The following LY75 variants were observed in gnomAD, a reference collection of about 807,000 sequenced individuals.
LY75 encodes the protein C-type lectin domain family 13 member B.
In LY75, 185 loss-of-function variants were observed where a neutral mutation model predicts 231.7. The ratio of observed to expected loss-of-function variants is 0.80; its 90% confidence interval spans 0.71 to 0.90. The LOEUF is 0.90. LY75 is among the 40% of genes least tolerant of loss of function. LY75 has a pLI of 0.00. For missense variants in LY75, 1,947 were observed against 2,050.2 expected, an observed-to-expected ratio of 0.95 and a Z score of 0.97; for synonymous variants, 668 against 689.0, an observed-to-expected ratio of 0.97 and a Z score of 0.48.
chr2:159,819,867 C>T lies in LY75; in HGVS notation c.4012G>A (p.Ala1338Thr), dbSNP rs772773397. ...TCATTTTTTATAGTTGGTCTTCCTG[C>T]TCTCCAATGTGTATATGACAGTGGG... ...KTPLSYTHWR[A>T]GRPTIKNEKF... Residue 1338 changes from alanine to threonine, a missense_variant, in exon 29 of 35, where the codon GCA (alanine) becomes ACA (threonine). Physicochemically the swap from Ala to Thr is moderately conservative, Grantham distance 58. Transcript: ENST00000263636. The T allele has an allele frequency of 1.9e-6, 3 of 1,613,918 alleles. No individual in the cohort carries two copies. The African/African-American group carries it at 4.0e-5, about 22-fold the overall frequency.
At chr2:159,817,715 A>G (rs1683162492) in intron 29 of LY75, among the ~76,000 whole-genome samples, 1 of 152,184 alleles carries the variant, frequency 6.6e-6, no homozygotes, top group Admixed American at 6.5e-5. Flanking sequence ...ATAACAAAAA[A>G]ACTACAATGA....
At chr2:159,835,727 T>G in intron 25 of LY75, 82 bp from the exon 26 acceptor site, 3 of 1,530,576 alleles carry the variant, frequency 2.0e-6, no homozygotes, top group Non-Finnish European at 2.6e-6. Context: ...GTCAATCTAA[T>G]GATTTTTAAT....
In LY75 at chr2:159,890,393, C is replaced by A. The variant is rs369510523; in HGVS notation, c.638-16G>T. Reference sequence around the variant, plus strand: ...CAACCGTTTTCTGTTGATAAAGACACGTTAGTGATCATAAAGTAAGGACAT... The same window carrying A: ...CAACCGTTTTCTGTTGATAAAGACAAGTTAGTGATCATAAAGTAAGGACAT... On this transcript the variant is annotated splice_polypyrimidine_tract_variant and intron_variant, in intron 3 of 34. Coordinates refer to ENST00000263636, the MANE Select transcript of LY75 (RefSeq NM_002349.4). The A allele has an allele frequency of 3.1e-6, 5 of 1,611,424 alleles. No homozygotes were observed. The highest frequency in any genetic ancestry group is 4.2e-6 in the Non-Finnish European group (5 of 1,179,194).
intron 28 of LY75, among the ~76,000 whole-genome samples, chr2:159,823,467 G>T (rs143383703): frequency 0.16 from 24,535 of 152,098 alleles, 2,285 homozygotes; most frequent in East Asian, 0.32. Flanking sequence ...CCAAATCTAC[G>T]TTTGACTGGT....
chr2:159,836,925 T>A (rs1683849801), intron 25 of LY75, among the ~76,000 whole-genome samples: 1 of 152,250 alleles, frequency 6.6e-6, no homozygotes, highest in African/African-American at 2.4e-5. Flanking sequence ...CCACACCTTT[T>A]ATCTTTTTAC....
At chr2:159,826,253 C>G (rs1337058267) in intron 28 of LY75, among the ~76,000 whole-genome samples, 1 of 152,180 alleles carries the variant, frequency 6.6e-6, no homozygotes, top group Non-Finnish European at 1.5e-5. Context: ...GGAACCTCAG[C>G]AAAGTCTCAA....
At chr2:159,899,211 G>A (rs549183754) in intron 1 of LY75, 152 bp from the exon 2 acceptor site, 187 of 1,405,396 alleles carry the variant, frequency 1.3e-4, no homozygotes, top group Middle Eastern at 2.6e-4. Context: ...AGGTGGGACA[G>A]TGGTGAGCAG....
In LY75 at chr2:159,878,480, A is replaced by G. The variant is rs1685337680; in HGVS notation, c.1618T>C (p.Tyr540His). 1 of 1,613,966 alleles carries G rather than the reference A, an allele frequency of 6.2e-7. No individual in the cohort carries two copies. Among genetic ancestry groups the G allele is most frequent in the Non-Finnish European group, 8.5e-7 (1 of 1,179,956 alleles). ...LTITSRFEQE[Y>H]LNDLMKKYDK... ...TACTTTTTCATCAAATCATTTAGGT[A>G]TTCTTGCTCAAATCTACAAAAGGAG... The change falls in exon 11 of 35, where the codon TAC (tyrosine) becomes CAC (histidine). Residue 540 changes from tyrosine (Y) to histidine (H), a missense_variant. By Grantham distance (83) the Tyr-to-His change is moderately conservative. Coordinates refer to ENST00000263636, the MANE Select transcript of LY75 (RefSeq NM_002349.4).
chr2:159,895,192 A>T (rs1245223167), intron 2 of LY75, among the ~76,000 whole-genome samples: 1 of 152,260 alleles, frequency 6.6e-6, no homozygotes, highest in Non-Finnish European at 1.5e-5. Flanking sequence ...TGTAATAAGC[A>T]GACCTATAGC....
In LY75 at chr2:159,834,036, ATACT is replaced by A. The variant is rs754809028; in HGVS notation, c.3841+4_3841+7del. On this transcript the variant is annotated splice_donor_5th_base_variant and intron_variant, in intron 27 of 34. Transcript: ENST00000263636. ...AGCAACATGAGAATGGACTAATATA[ATACT>A]TACTCAGTTTCTGGCATTTAGTATG... 6 of 1,612,748 alleles carry A rather than the reference ATACT, an allele frequency of 3.7e-6. No individual in the cohort carries two copies. In the South Asian group the frequency reaches 5.5e-5, roughly 15 times the overall value.
chr2:159,838,003 T>C (rs548954283), intron 25 of LY75, among the ~76,000 whole-genome samples: 1 of 152,302 alleles, frequency 6.6e-6, no homozygotes, highest in East Asian at 1.9e-4. Context: ...AGTGACCCAC[T>C]GCATGGCCAC....
At chr2:159,864,589 G>A (rs568159696) in intron 14 of LY75, among the ~76,000 whole-genome samples, 32 of 152,034 alleles carry the variant, frequency 2.1e-4, no homozygotes, top group African/African-American at 4.1e-4. Context: ...ATTCTGTTCC[G>A]TTGGTCTAAG....
At chr2:159,825,797 G>A (rs1299988636) in intron 28 of LY75, among the ~76,000 whole-genome samples, 3 of 151,640 alleles carry the variant, frequency 2.0e-5, no homozygotes, top group Admixed American at 2.0e-4. Flanking sequence ...TGAAAGACTG[G>A]TTCAACATAT....
intron 4 of LY75, among the ~76,000 whole-genome samples, chr2:159,887,137 T>C (rs1413919483): frequency 6.8e-6 from 1 of 148,140 alleles, no homozygotes; most frequent in African/African-American, 2.5e-5. Context: ...TAATATAACA[T>C]ATATATATGT....
Position 159,854,907 on chromosome 2 carries a change from G to C in LY75, c.2416C>G (p.Pro806Ala). Residue 806 changes from proline (P) to alanine (A), a missense_variant, in exon 17 of 35, where the codon CCA (proline) becomes GCA (alanine). Coordinates refer to ENST00000263636, the MANE Select transcript of LY75 (RefSeq NM_002349.4). The stretch of plus-strand genomic sequence containing the variant: ...AATTTCAGTTTTCTTAACTCACCTG[G>C]ATTGTACCAGTCTGGTGTTTTTGGA... ...RTPKTPDWYN[P>A]DRAGIHGPPL... is the part of the protein sequence containing the mutation. The C allele has an allele frequency of 6.2e-7, 1 of 1,613,770 alleles. No individual in the cohort carries two copies. Among genetic ancestry groups the C allele is most frequent in the Non-Finnish European group, 8.5e-7 (1 of 1,179,834 alleles).
intron 5 of LY75, among the ~76,000 whole-genome samples, chr2:159,885,894 C>A (rs1685568660): frequency 1.3e-5 from 2 of 152,124 alleles, no homozygotes; most frequent in African/African-American, 4.8e-5. Flanking sequence ...TCTAATCCTT[C>A]CTTTGGGAAG....
chr2:159,805,298 G>C (rs976096445), intron 34 of LY75, 76 bp from the exon 35 acceptor site: 6 of 1,083,274 alleles, frequency 5.5e-6, no homozygotes, highest in Non-Finnish European at 7.0e-6. Context: ...ATTATGGGTT[G>C]TGTCACACAT....
intron 29 of LY75, among the ~76,000 whole-genome samples, chr2:159,819,333 A>G (rs1683216192): frequency 6.6e-6 from 1 of 152,214 alleles, no homozygotes; most frequent in Non-Finnish European, 1.5e-5. Flanking sequence ...TTCCCCAAAC[A>G]CTTTCTTATT....
At chr2:159,852,061 C>A in intron 21 of LY75, 140 bp downstream of exon 21, 1 of 1,256,258 alleles carries the variant, frequency 8.0e-7, no homozygotes, top group Non-Finnish European at 1.1e-6. Flanking sequence ...TTTCTGGCAA[C>A]ACAGAGGGCC....
Sources: allele counts gnomAD v4.1 joint callset (sites outside exome capture counted in the v4.1 genomes callset), GRCh38; gene constraint gnomAD v4.1.1; transcripts MANE v1.5; gene names NCBI Gene and HGNC (gene_info 2026-07-23, HGNC 2026-07-21).